RASA4B: variants seen among roughly 807,000 people sequenced by gnomAD.
The protein encoded by RASA4B is ras GTPase-activating protein 4B.
Under a neutral mutation model 24.2 loss-of-function variants are expected in RASA4B, and 2 were observed. The observed-to-expected ratio is 0.08, with a 90% CI of 0.03 to 0.26. The LOEUF (loss-of-function observed/expected upper bound fraction) is 0.26, where lower values mean the gene tolerates loss of function less well. Among genes scored for constraint, RASA4B ranks in the 10% least tolerant of loss-of-function variants. The pLI, the probability that RASA4B is intolerant of heterozygous loss-of-function variation, is 1.00. For synonymous variants in RASA4B, 2 were observed against 125.6 expected (o/e 0.02, Z 6.58); for missense variants, 8 against 277.2 (o/e 0.03, Z 6.90).
In RASA4B at chr7:102,481,874, A is replaced by C. The variant is rs1269522600; in HGVS notation, c.*1718T>G. On this transcript the variant is annotated 3_prime_UTR_variant, in exon 21 of 21. Transcript: ENST00000465829. ...ACAGGATAAAGGTGAGGAATGAAGGAATGAATGGATGCAGGCAGACGTGAA... is the reference window on the plus strand; with the variant it reads ...ACAGGATAAAGGTGAGGAATGAAGGCATGAATGGATGCAGGCAGACGTGAA... 6.9e-5 allele frequency among the ~76,000 whole-genome samples: 8 copies of C among 115,388 alleles called. No homozygotes were observed. The highest frequency in any genetic ancestry group is 2.3e-4 in the African/African-American group (8 of 34,080). 75.7% of individuals were successfully genotyped at this position (115,388 alleles called of 152,430 possible).
rs1798602487 is a variant in RASA4B, at chr7:102,481,242, G to C, written c.*2350C>G. 2.0e-5 allele frequency among the ~76,000 whole-genome samples: 1 copy of C among 50,746 alleles called. No homozygotes were observed. Among genetic ancestry groups the C allele is most frequent in the South Asian group, 5.5e-4 (1 of 1,808 alleles). The allele number at this position is 50,746 out of a possible 152,430, so 33.3% of individuals were successfully genotyped here. A position where few individuals can be genotyped will look rare whatever the true frequency, so the allele number is the denominator to read the frequency against. On this transcript the variant is annotated 3_prime_UTR_variant, in exon 21 of 21. Transcript: ENST00000465829. The stretch of plus-strand genomic sequence containing the variant: ...TTTTTTTTTTTTTTTTTTAATTTTA[G>C]GGACTAGGTTTTGCTATGTTGCCCA...
At chr7:102,489,479 A>C (rs1798821784) in intron 17 of RASA4B, among the ~76,000 whole-genome samples, 1 of 129,308 alleles carries the variant, frequency 7.7e-6, no homozygotes, top group Non-Finnish European at 1.7e-5. Context: ...CCACTCTTTA[A>C]TTAATTTACT....
At chr7:102,490,645 G>A (rs1458224115) in intron 17 of RASA4B, among the ~76,000 whole-genome samples, 5 of 152,020 alleles carry the variant, frequency 3.3e-5, no homozygotes, top group South Asian at 2.1e-4. Context: ...CACACCCTGC[G>A]GTGCCTGATG....
rs11770671 is a variant in RASA4B at position 102,480,077 on chromosome 7, A to G, written c.*3515T>C. 0.71 allele frequency among the ~76,000 whole-genome samples: 107,978 copies of G among 151,734 alleles called. 38,853 individuals carry two copies. Among genetic ancestry groups the G allele is most frequent in the East Asian group, 0.83 (4,315 of 5,168 alleles). ...TACAGAGATAGGAGCTGAGGGGACA[A>G]TGAGGAGTGACCAGAAGACAAGAGT... On this transcript the variant is annotated 3_prime_UTR_variant, in exon 21 of 21. Coordinates refer to ENST00000465829, the MANE Select transcript of RASA4B (RefSeq NM_001367767.2).
rs1798601484 is a variant in RASA4B, at chr7:102,481,213, CCTTTT to C, written c.*2374_*2378del. ...AAAATTTCAAGTCTCCTTTATTTTC[CCTTTT>C]TTTTTTTTTTTTTTTTAATTTTAGG... On this transcript the variant is annotated 3_prime_UTR_variant, in exon 21 of 21. Transcript: ENST00000465829. Among the ~76,000 whole-genome samples the C allele has an allele frequency of 1.2e-5, 1 of 85,172 alleles. No homozygotes were observed. The highest frequency in any genetic ancestry group is 3.6e-5 in the African/African-American group (1 of 28,144). 55.9% of individuals were successfully genotyped at this position (85,172 alleles called of 152,430 possible). A position where few individuals can be genotyped will look rare whatever the true frequency, so the allele number is the denominator to read the frequency against.
intron 6 of RASA4B, 103 bp downstream of exon 6, chr7:102,503,060 G>C (rs1285113346): frequency 1.4e-4 from 2 of 14,506 alleles, no homozygotes; most frequent in African/African-American, 2.7e-4. Flanking sequence ...CCCCCAATCT[G>C]TCCCACCAGC....
At chr7:102,500,265 G>A (rs1799314820) in intron 8 of RASA4B, among the ~76,000 whole-genome samples, 1 of 83,904 alleles carries the variant, frequency 1.2e-5, no homozygotes, top group Admixed American at 1.4e-4. Context: ...AAGGTCAGGA[G>A]ATCGAGACCA....
Position 102,502,706 on chromosome 7 carries a change from G to A in RASA4B, c.510+457C>T, listed in dbSNP as rs1252239856. 5.5e-5 allele frequency among the ~76,000 whole-genome samples: 7 copies of A among 127,982 alleles called. 1 individual carries two copies. The highest frequency in any genetic ancestry group is 2.5e-4 in the Admixed American group (3 of 12,200). 84.0% of individuals were successfully genotyped at this position (127,982 alleles called of 152,430 possible). A position where few individuals can be genotyped will look rare whatever the true frequency, so the allele number is the denominator to read the frequency against. ...ACTGGGAAGGCAGAGCCTGCAGTGA[G>A]CTGAGATCCAGCCACTGCACTCCAG... On this transcript the variant is annotated intron_variant, in intron 6 of 20. Coordinates refer to ENST00000465829, the MANE Select transcript of RASA4B (RefSeq NM_001367767.2).
chr7:102,502,644 T>A (rs1220238554), intron 6 of RASA4B, among the ~76,000 whole-genome samples: 1 of 111,380 alleles, frequency 9.0e-6, no homozygotes, highest in African/African-American at 2.7e-5. Flanking sequence ...CCTGTAATCC[T>A]AGCTACTCGT....
In RASA4B at chr7:102,480,253, A is replaced by G. The variant is rs546177938; in HGVS notation, c.*3339T>C. Among the ~76,000 whole-genome samples the G allele has an allele frequency of 1.3e-3, 195 of 152,286 alleles. 2 individuals are homozygous for G. The highest frequency in any genetic ancestry group is 6.8e-3 in the Middle Eastern group (2 of 294). On this transcript the variant is annotated 3_prime_UTR_variant, in exon 21 of 21. Coordinates refer to ENST00000465829, the MANE Select transcript of RASA4B (RefSeq NM_001367767.2). ...AAAAACACCCGCTACTTAGCAGACC[A>G]GGAAAGGGAGTGTACAGTGAGATCA...
chr7:102,502,193 A>G (rs1586776387), intron 6 of RASA4B, among the ~76,000 whole-genome samples: 1 of 728 alleles, frequency 1.4e-3, no homozygotes, highest in East Asian at 6.1e-3. Context: ...AGGAATGGAA[A>G]ACCAAACATC....
rs547492260 is a variant in RASA4B, at chr7:102,480,213, G to A, written c.*3379C>T. Among the ~76,000 whole-genome samples the A allele has an allele frequency of 1.3e-5, 2 of 152,272 alleles. No homozygotes were observed. Among genetic ancestry groups the A allele is most frequent in the African/African-American group, 4.8e-5 (2 of 41,564 alleles). On this transcript the variant is annotated 3_prime_UTR_variant, in exon 21 of 21. Coordinates refer to ENST00000465829, the MANE Select transcript of RASA4B (RefSeq NM_001367767.2). ...CCAAGCCCACCGTGGTCTAGCTGTA[G>A]CGTTAGTGTCAAGGAAAAACACCCG... is the stretch of plus-strand genomic sequence containing the variant.
intron 5 of RASA4B, among the ~76,000 whole-genome samples, chr7:102,504,693 A>C (rs1799434633): frequency 9.0e-6 from 1 of 111,270 alleles, no homozygotes; most frequent in Non-Finnish European, 1.8e-5. Context: ...AAAAAAAAAA[A>C]AACCCACCAA....
intron 5 of RASA4B, among the ~76,000 whole-genome samples, chr7:102,504,838 A>G (rs1799445089): frequency 6.9e-6 from 1 of 145,388 alleles, no homozygotes; most frequent in Admixed American, 7.0e-5. Context: ...CGTCTCTACT[A>G]AAAATACAAA....
At position 102,481,656 on chromosome 7, in the gene RASA4B, A is replaced by C. The variant is rs1586756090; in HGVS notation, c.*1936T>G. 1.4e-5 allele frequency among the ~76,000 whole-genome samples: 1 copy of C among 69,584 alleles called. No homozygotes were observed. Among genetic ancestry groups the C allele is most frequent in the Non-Finnish European group, 3.4e-5 (1 of 29,630 alleles). 45.6% of individuals were successfully genotyped at this position (69,584 alleles called of 152,430 possible). On this transcript the variant is annotated 3_prime_UTR_variant, in exon 21 of 21. Transcript: ENST00000465829. The stretch of plus-strand genomic sequence containing the variant: ...ACTCCAGCCTGGGCAACACAGTGAG[A>C]CTCTGTCTCAAAAAAAAAAAAAAAA...
intron 8 of RASA4B, among the ~76,000 whole-genome samples, chr7:102,499,248 C>CTTT (rs746780203): frequency 2.4e-5 from 2 of 83,628 alleles, no homozygotes; most frequent in African/African-American, 6.5e-5. Flanking sequence ...ACTGGGTGTT[C>CTTT]TTTTTTTTTT....
rs1201479603 is a variant in RASA4B, at chr7:102,481,894, C to T, written c.*1698G>A. 1.5e-4 allele frequency among the ~76,000 whole-genome samples: 9 copies of T among 61,722 alleles called. No individual in the cohort carries two copies. Among genetic ancestry groups the T allele is most frequent in the African/African-American group, 3.6e-4 (8 of 22,494 alleles). 40.5% of individuals were successfully genotyped at this position (61,722 alleles called of 152,430 possible). On this transcript the variant is annotated 3_prime_UTR_variant, in exon 21 of 21. Transcript: ENST00000465829. ...GAAGGAATGAATGGATGCAGGCAGA[C>T]GTGAAAACAGCGCCCACCTGGAGAG...
chr7:102,505,004 C>CA (rs1799454871), intron 5 of RASA4B, among the ~76,000 whole-genome samples: 1 of 132,456 alleles, frequency 7.5e-6, no homozygotes, highest in African/African-American at 2.9e-5. Flanking sequence ...GTCTCAAAAA[C>CA]AAAAAACAAA....
chr7:102,506,393 C>A (rs1458406076), intron 5 of RASA4B, among the ~76,000 whole-genome samples: 1 of 152,044 alleles, frequency 6.6e-6, no homozygotes, highest in Non-Finnish European at 1.5e-5. Flanking sequence ...ATTACAGGCG[C>A]CTGCCACCAT....
Sources: allele counts gnomAD v4.1 joint callset (sites outside exome capture counted in the v4.1 genomes callset), GRCh38; gene constraint gnomAD v4.1.1; transcripts MANE v1.5; gene names NCBI Gene and HGNC (gene_info 2026-07-23, HGNC 2026-07-21).